MICAL3: variants seen among roughly 807,000 people sequenced by gnomAD.
MICAL3 encodes [F-actin]-monooxygenase MICAL3.
Under a neutral mutation model 207.4 loss-of-function variants are expected in MICAL3, and 62 were observed. That is an observed-to-expected ratio of 0.30 (90% CI 0.24 to 0.37). The LOEUF is 0.37. MICAL3 is among the 10% of genes least tolerant of loss of function. MICAL3 has a pLI of 1.00. For missense variants in MICAL3, 2,368 were observed against 2,635.6 expected (o/e 0.90, Z 2.22); for synonymous variants, 1,077 against 1,069.3 (o/e 1.01, Z -0.14).
chr22:17,988,227 T>C (rs1424089287), intron 1 of MICAL3, among the ~76,000 whole-genome samples: 1 of 152,224 alleles, frequency 6.6e-6, no homozygotes, highest in Non-Finnish European at 1.5e-5. Context: ...TACCCAGCAT[T>C]ATCCGGGGCG....
At chr22:17,959,604 C>T (rs1031698073) in intron 1 of MICAL3, among the ~76,000 whole-genome samples, 1 of 152,226 alleles carries the variant, frequency 6.6e-6, no homozygotes, top group African/African-American at 2.4e-5. Context: ...CATGAGCCAC[C>T]ACACCTCAGG....
intron 19 of MICAL3, chr22:17,862,323 C>T (rs901800704): frequency 5.9e-6 from 5 of 849,964 alleles, no homozygotes; most frequent in Non-Finnish European, 7.1e-6. Flanking sequence ...GGTGTGATCT[C>T]GACTTACTGC....
intron 1 of MICAL3, among the ~76,000 whole-genome samples, chr22:18,017,361 CTGAT>C (rs1353812839): frequency 6.6e-6 from 1 of 151,572 alleles, no homozygotes; most frequent in Non-Finnish European, 1.5e-5. Context: ...TTACAGGTGC[CTGAT>C]ACCATGCCTG....
rs746694688 is a variant in MICAL3, at chr22:17,790,696, C to T, written c.*36G>A. ...GTTTGGATGCCACTGCCTGGCCAGG[C>T]GGATGCCAACAGAAAATGGAGCGTT... On this transcript the variant is annotated 3_prime_UTR_variant, in exon 32 of 32. Transcript: ENST00000441493. The T allele has an allele frequency of 3.9e-6, 6 of 1,548,724 alleles. No homozygotes were observed. Among genetic ancestry groups the T allele is most frequent in the Admixed American group, 2.0e-5 (1 of 51,278 alleles).
chr22:17,837,991 G>T (rs1482560599), intron 20 of MICAL3, among the ~76,000 whole-genome samples: 1 of 152,178 alleles, frequency 6.6e-6, no homozygotes, highest in East Asian at 1.9e-4. Context: ...AATTTGTAGA[G>T]ACTGGATCTT....
At chr22:17,942,145 G>C (rs770451148) in intron 1 of MICAL3, among the ~76,000 whole-genome samples, 28 of 152,222 alleles carry the variant, frequency 1.8e-4, no homozygotes, top group Non-Finnish European at 3.1e-4. Context: ...TGTCTCTCCA[G>C]AGGTGCAGCC....
intron 1 of MICAL3, among the ~76,000 whole-genome samples, chr22:17,984,573 T>G: frequency 7.6e-6 from 1 of 131,818 alleles, no homozygotes; most frequent in South Asian, 2.6e-4. Flanking sequence ...ACTTGGTCAG[T>G]GAACACAGAT....
intron 1 of MICAL3, among the ~76,000 whole-genome samples, chr22:17,996,594 G>A (rs986511271): frequency 4.6e-5 from 7 of 152,120 alleles, no homozygotes; most frequent in African/African-American, 1.7e-4. Flanking sequence ...AGCCCATGGG[G>A]GCAGGATGCT....
intron 20 of MICAL3, among the ~76,000 whole-genome samples, chr22:17,838,723 T>C (rs1432693567): frequency 6.6e-6 from 1 of 152,216 alleles, no homozygotes; most frequent in Non-Finnish European, 1.5e-5. Flanking sequence ...AAGAGTTCAC[T>C]GAACTTGTGA....
chr22:17,852,324 T>C, intron 19 of MICAL3, among the ~76,000 whole-genome samples: 1 of 152,014 alleles, frequency 6.6e-6, no homozygotes, highest in East Asian at 1.9e-4. Flanking sequence ...ACACTTCTGT[T>C]TTCACCTGTC....
intron 29 of MICAL3, 132 bp downstream of exon 29, chr22:17,808,712 G>A: frequency 2.8e-6 from 2 of 716,922 alleles, no homozygotes; most frequent in Non-Finnish European, 4.6e-6. Flanking sequence ...CCAAATCTCA[G>A]AGATGAAGGG....
At chr22:17,824,826 CAAGG>C (rs1922004556) in intron 22 of MICAL3, among the ~76,000 whole-genome samples, 1 of 152,168 alleles carries the variant, frequency 6.6e-6, no homozygotes, top group Non-Finnish European at 1.5e-5. Flanking sequence ...TTTGGCCACT[CAAGG>C]AAGACAGTTC....
At position 17,815,415 on chromosome 22, in the gene MICAL3, C is replaced by CCA. The variant is rs548259002; in HGVS notation, c.5445+1273_5445+1274dup. ...CACCACTGAGGCAGTGAGCTTGGGA[C>CCA]CACATTCTCCATTCTTTGCTGACCC... On this transcript the variant is annotated intron_variant, in intron 27 of 31. Transcript: ENST00000441493. 3.9e-5 allele frequency: 6 copies of CCA among 152,406 alleles called. No homozygotes were observed. The East Asian group carries it at 1.2e-3, about 29-fold the overall frequency. The allele number at this position is 152,406 out of a possible 1,614,324, so 9.4% of individuals were successfully genotyped here. A position where few individuals can be genotyped will look rare whatever the true frequency, so the allele number is the denominator to read the frequency against.
chr22:17,827,176 G>A (rs1922292753), intron 22 of MICAL3, among the ~76,000 whole-genome samples: 1 of 152,130 alleles, frequency 6.6e-6, no homozygotes, highest in South Asian at 2.1e-4. Context: ...TAAAGCCTGG[G>A]GCTGGAGACG....
intron 1 of MICAL3, among the ~76,000 whole-genome samples, chr22:17,927,531 G>T (rs73388442): frequency 6.6e-6 from 1 of 151,948 alleles, no homozygotes; most frequent in Admixed American, 6.6e-5. Context: ...GCTAACCTTG[G>T]GGCTGCAGGT....
chr22:17,842,261 A>G, intron 19 of MICAL3: 1 of 547,866 alleles, frequency 1.8e-6, no homozygotes, highest in Non-Finnish European at 3.3e-6. Context: ...CTCCTTCATC[A>G]CCCTGAACCC....
chr22:17,990,693 G>C (rs1921581884), intron 1 of MICAL3, among the ~76,000 whole-genome samples: 1 of 152,172 alleles, frequency 6.6e-6, no homozygotes, highest in African/African-American at 2.4e-5. Flanking sequence ...TTTACCGGGT[G>C]AGAGATCTCA....
chr22:17,824,248 T>C lies in MICAL3; in HGVS notation c.3194-1188A>G, dbSNP rs1035491105. On this transcript the variant is annotated intron_variant, in intron 22 of 31. Coordinates refer to ENST00000441493, the MANE Select transcript of MICAL3 (RefSeq NM_015241.3). ...GGGTTCAAGCCCAGCCACCCTCAAA[T>C]TACCCCTAAGGGTTTTAATTTCAGG... Among the ~76,000 whole-genome samples, 9 of 152,170 alleles carry C rather than the reference T, an allele frequency of 5.9e-5. No individual in the cohort carries two copies. In the East Asian group the frequency reaches 1.7e-3, roughly 29 times the overall value.
chr22:17,998,164 C>T (rs1042736406), intron 1 of MICAL3, among the ~76,000 whole-genome samples: 13 of 152,124 alleles, frequency 8.5e-5, no homozygotes, highest in East Asian at 5.8e-4. Context: ...ATTAGCAGGG[C>T]GTGGTGGCAG....
Sources: gnomAD v4.1 joint callset for allele counts (sites outside exome capture counted in the v4.1 genomes callset) on GRCh38, gnomAD v4.1.1 for gene constraint, MANE v1.5 for transcripts, NCBI Gene and HGNC (gene_info 2026-07-23, HGNC 2026-07-21) for gene names.